The following PTPRN2 variants were observed in gnomAD, a reference collection of about 807,000 sequenced individuals.
PTPRN2 encodes receptor-type tyrosine-protein phosphatase N2.
Under a neutral mutation model 118.8 loss-of-function variants are expected in PTPRN2, and 74 were observed. That is an observed-to-expected ratio of 0.62 (90% CI 0.52 to 0.76). The LOEUF is 0.76. PTPRN2 is among the 30% of genes least tolerant of loss of function. The pLI, the probability that PTPRN2 is intolerant of heterozygous loss-of-function variation, is 0.00. For synonymous variants in PTPRN2, 641 were observed against 608.0 expected (o/e 1.05, Z -0.80); for missense variants, 1,481 against 1,394.4 (o/e 1.06, Z -0.99).
At chr7:158,390,424 A>G (rs1036096969) in intron 2 of PTPRN2, among the ~76,000 whole-genome samples, 68 of 152,236 alleles carry the variant, frequency 4.5e-4, no homozygotes, top group African/African-American at 1.6e-3. Flanking sequence ...CAGCAGCCAG[A>G]CGGAGTTATG....
At chr7:158,204,323 G>C (rs961817534) in intron 4 of PTPRN2, among the ~76,000 whole-genome samples, 17 of 152,144 alleles carry the variant, frequency 1.1e-4, no homozygotes, top group Non-Finnish European at 2.4e-4. Context: ...TGTGTGCGGC[G>C]TGCTGGGGGA....
intron 9 of PTPRN2, among the ~76,000 whole-genome samples, chr7:158,132,568 A>AAC (rs113026073): frequency 0.67 from 100,054 of 149,924 alleles, 34,326 homozygotes; most frequent in African/African-American, 0.82. Context: ...ACATCTATCC[A>AAC]ACACTCATAT....
chr7:157,670,560 C>T (rs1796358505), intron 13 of PTPRN2, among the ~76,000 whole-genome samples: 1 of 152,166 alleles, frequency 6.6e-6, no homozygotes, highest in African/African-American at 2.4e-5. Context: ...ACCTTTAACC[C>T]ACGATGCCTG....
intron 12 of PTPRN2, among the ~76,000 whole-genome samples, chr7:157,731,525 T>C (rs373376451): frequency 0.062 from 3,428 of 54,930 alleles, 45 homozygotes; most frequent in South Asian, 0.12. Flanking sequence ...CCCTTTCCCG[T>C]CCCATGCGCC....
At chr7:158,541,874 A>C (rs2129449562) in intron 1 of PTPRN2, 1 of 354,096 alleles carries the variant, frequency 2.8e-6, no homozygotes, top group Non-Finnish European at 4.0e-6. Context: ...CAGGGAGCTC[A>C]GAACTGGCTA....
chr7:157,605,624 T>C (rs1053639867), intron 15 of PTPRN2, among the ~76,000 whole-genome samples: 3 of 152,122 alleles, frequency 2.0e-5, no homozygotes, highest in African/African-American at 7.2e-5. Flanking sequence ...TATCGAGCAA[T>C]AGAACAGCTC....
At chr7:158,314,679 T>G (rs1176310081) in intron 3 of PTPRN2, among the ~76,000 whole-genome samples, 2 of 17,332 alleles carry the variant, frequency 1.2e-4, no homozygotes, top group Non-Finnish European at 4.0e-4. Context: ...CCACACGCGT[T>G]TCTCTCAACC....
chr7:158,568,982 C>T (rs527866531), intron 1 of PTPRN2, among the ~76,000 whole-genome samples: 1 of 152,176 alleles, frequency 6.6e-6, no homozygotes, highest in East Asian at 1.9e-4. Context: ...AAAAATTAAG[C>T]AGGTGTGAGG....
intron 3 of PTPRN2, among the ~76,000 whole-genome samples, chr7:158,300,787 G>A (rs1563105000): frequency 6.6e-6 from 1 of 151,738 alleles, no homozygotes; most frequent in African/African-American, 2.4e-5. Context: ...GGAGGGAGGG[G>A]AGGTGGGCAG....
intron 2 of PTPRN2, among the ~76,000 whole-genome samples, chr7:158,459,616 G>A (rs2444291): frequency 0.55 from 83,824 of 152,100 alleles, 23,317 homozygotes; most frequent in African/African-American, 0.56. Flanking sequence ...GCCACAGCCT[G>A]TGTGTCACAG....
At position 158,531,010 on chromosome 7, in the gene PTPRN2, GCATGTGCATGGGGGTGTGTGTGTGAA is replaced by G. The variant is rs1159269446; in HGVS notation, c.113-41251_113-41226del. Among the ~76,000 whole-genome samples the G allele has an allele frequency of 4.6e-5, 7 of 152,292 alleles. No individual in the cohort carries two copies. The East Asian group carries it at 1.2e-3, about 25-fold the overall frequency. ...TGTGTGGCCACATGTATGTATATGA[GCATGTGCATGGGGGTGTGTGTGTGAA>G]CATGTGCATGGGCGTGGGTGAGCAT... On this transcript the variant is annotated intron_variant, in intron 1 of 22. Transcript: ENST00000389418.
intron 6 of PTPRN2, among the ~76,000 whole-genome samples, chr7:158,150,540 C>G (rs1820880871): frequency 6.6e-6 from 1 of 152,104 alleles, no homozygotes; most frequent in Admixed American, 6.5e-5. Flanking sequence ...TCACCAGCTC[C>G]TGGAGCCCAG....
intron 3 of PTPRN2, among the ~76,000 whole-genome samples, chr7:158,300,550 G>T (rs573998885): frequency 1.3e-3 from 3 of 2,372 alleles, no homozygotes; most frequent in Non-Finnish European, 2.7e-3. Flanking sequence ...CAATCTGCAC[G>T]CCCACAGCGC....
chr7:158,103,508 ACT>A (rs1815417754), intron 10 of PTPRN2, among the ~76,000 whole-genome samples: 1 of 152,086 alleles, frequency 6.6e-6, no homozygotes, highest in Non-Finnish European at 1.5e-5. Flanking sequence ...GGCAGGGCCC[ACT>A]CTCTGGGCCC....
intron 17 of PTPRN2, among the ~76,000 whole-genome samples, chr7:157,592,266 CAGTA>C (rs950931711): frequency 2.0e-5 from 3 of 152,182 alleles, no homozygotes; most frequent in African/African-American, 7.2e-5. Context: ...CCATAATAAA[CAGTA>C]AGAAAAATGG....
rs1045853068 is a variant in PTPRN2 at position 157,550,503 on chromosome 7, C to T, written c.2903-1484G>A. ...GCGGCTCCACCAGGGAGGCCGGGCG[C>T]GAGATGACCACCCCACCTGCCCTGC... On this transcript the variant is annotated intron_variant, in intron 21 of 22. Transcript: ENST00000389418. This position sits in a 1 kb window ranked among gnomAD's most constrained non-coding sequence, Gnocchi z 5.2. Among the ~76,000 whole-genome samples, 2 of 152,238 alleles carry T rather than the reference C, an allele frequency of 1.3e-5. No individual in the cohort carries two copies. Among genetic ancestry groups the T allele is most frequent in the African/African-American group, 2.4e-5 (1 of 41,462 alleles).
Position 158,555,319 on chromosome 7 carries a change from A to C in PTPRN2, c.112+32239T>G, listed in dbSNP as rs1264955338. 6.6e-6 allele frequency among the ~76,000 whole-genome samples: 1 copy of C among 152,192 alleles called. No individual in the cohort carries two copies. The highest frequency in any genetic ancestry group is 1.5e-5 in the Non-Finnish European group (1 of 68,042). On this transcript the variant is annotated intron_variant, in intron 1 of 22. Coordinates refer to ENST00000389418, the MANE Select transcript of PTPRN2 (RefSeq NM_002847.5). This position sits in a 1 kb window ranked among gnomAD's most constrained non-coding sequence, Gnocchi z 4.7. ...CTTAGGGCGCCAGTCAGGTCCTTCCAGGAGAAGGCGGCACCAAGCCCAGCG... is the reference window on the plus strand; with the variant it reads ...CTTAGGGCGCCAGTCAGGTCCTTCCCGGAGAAGGCGGCACCAAGCCCAGCG...
intron 2 of PTPRN2, among the ~76,000 whole-genome samples, chr7:158,341,806 C>T (rs554219238): frequency 1.5e-5 from 2 of 134,160 alleles, no homozygotes; most frequent in Admixed American, 7.3e-5. Flanking sequence ...ACACTCTCAC[C>T]GTAAGAGGTG....
chr7:157,761,153 C>G (rs560646398), intron 12 of PTPRN2, among the ~76,000 whole-genome samples: 100 of 149,060 alleles, frequency 6.7e-4, no homozygotes, highest in South Asian at 1.9e-3. Flanking sequence ...GAATCAATAT[C>G]GTGAAAATGG....
Sources: allele counts gnomAD v4.1 joint callset (sites outside exome capture counted in the v4.1 genomes callset), GRCh38; gene constraint gnomAD v4.1.1; non-coding constraint Gnocchi (gnomAD v3.1); transcripts MANE v1.5; gene names NCBI Gene and HGNC (gene_info 2026-07-23, HGNC 2026-07-21).